ZNF804B: variants seen among roughly 807,000 people sequenced by gnomAD.
ZNF804B encodes the protein zinc finger protein 804B.
A neutral mutation model predicts 101.4 loss-of-function variants in ZNF804B; 80 were observed. The ratio of observed to expected loss-of-function variants is 0.79; its 90% CI spans 0.66 to 0.95. The LOEUF is 0.95. ZNF804B is among the 40% of genes least tolerant of loss of function. The probability of loss-of-function intolerance (pLI) is 0.00; values close to 1 mark genes in which losing one functional copy is unlikely to be tolerated. For missense variants in ZNF804B, 1,673 were observed against 1,561.9 expected (o/e 1.07, Z -1.20); for synonymous variants, 622 against 558.8 (o/e 1.11, Z -1.59).
chr7:89,056,937 A>C (rs1789305375), intron 1 of ZNF804B, among the ~76,000 whole-genome samples: 2 of 152,180 alleles, frequency 1.3e-5, no homozygotes, highest in Non-Finnish European at 1.5e-5. Flanking sequence ...TAGGGTTTTA[A>C]AGGTTTTGGA....
intron 2 of ZNF804B, among the ~76,000 whole-genome samples, chr7:89,288,386 T>C (rs1790238731): frequency 6.6e-6 from 1 of 152,070 alleles, no homozygotes; most frequent in African/African-American, 2.4e-5. Flanking sequence ...TCTGATAAAA[T>C]ATATTATCTC....
intron 1 of ZNF804B, among the ~76,000 whole-genome samples, chr7:89,212,659 C>T (rs1224884090): frequency 6.6e-6 from 1 of 152,060 alleles, no homozygotes; most frequent in African/African-American, 2.4e-5. Flanking sequence ...ATGCCTTTTC[C>T]ATTGATTAAG....
intron 1 of ZNF804B, among the ~76,000 whole-genome samples, chr7:88,921,407 T>A (rs1792717006): frequency 6.6e-6 from 1 of 152,084 alleles, no homozygotes; most frequent in East Asian, 1.9e-4. Flanking sequence ...CCCAGAGTAG[T>A]AGAAGAGGTT....
At chr7:89,107,944 A>T (rs575315306) in intron 1 of ZNF804B, among the ~76,000 whole-genome samples, 1 of 152,192 alleles carries the variant, frequency 6.6e-6, no homozygotes, top group South Asian at 2.1e-4. Flanking sequence ...AGAAGAGATG[A>T]GCATTAAAAA....
intron 1 of ZNF804B, among the ~76,000 whole-genome samples, chr7:89,015,651 A>C (rs1435923853): frequency 6.6e-6 from 1 of 152,094 alleles, no homozygotes; most frequent in African/African-American, 2.4e-5. Context: ...CCATGTCCCT[A>C]CAAAGGACAT....
chr7:89,278,730 A>G (rs1366528525), intron 2 of ZNF804B, among the ~76,000 whole-genome samples: 2,197 of 149,616 alleles, frequency 0.015, 52 homozygotes, highest in African/African-American at 0.051. Context: ...TGGTACCAGT[A>G]CCATGCTGTT....
chr7:89,153,760 T>C (rs529220886), intron 1 of ZNF804B, among the ~76,000 whole-genome samples: 174 of 152,222 alleles, frequency 1.1e-3, no homozygotes, highest in Middle Eastern at 6.8e-3. Flanking sequence ...TCTGAGACTG[T>C]TCTATTGAAG....
chr7:89,210,299 A>G (rs550959013), intron 1 of ZNF804B, among the ~76,000 whole-genome samples: 2 of 152,192 alleles, frequency 1.3e-5, no homozygotes, highest in African/African-American at 4.8e-5. Context: ...ACTCCTGAAA[A>G]CCCTAATTAT....
chr7:88,847,721 A>G (rs912213691), intron 1 of ZNF804B, among the ~76,000 whole-genome samples: 5 of 152,122 alleles, frequency 3.3e-5, no homozygotes, highest in African/African-American at 1.2e-4. Flanking sequence ...AAATATGCAA[A>G]ATCTAAATGC....
intron 1 of ZNF804B, among the ~76,000 whole-genome samples, chr7:88,883,454 G>C (rs1474701546): frequency 6.6e-6 from 1 of 152,088 alleles, no homozygotes; most frequent in Non-Finnish European, 1.5e-5. Context: ...GAAAGTGAGT[G>C]GAAGGCAATT....
rs1266195261 is a variant in ZNF804B at position 89,278,886 on chromosome 7, A to T, written c.250-48458A>T. Among the ~76,000 whole-genome samples, 4 of 152,172 alleles carry T rather than the reference A, an allele frequency of 2.6e-5. No individual in the cohort carries two copies. In the East Asian group the frequency reaches 7.7e-4, roughly 29 times the overall value. On this transcript the variant is annotated intron_variant, in intron 2 of 3. Transcript: ENST00000333190. ...AAAGTAGTATTTTCCAATTCTGTGA[A>T]GAAAGTCATTGGTAGCTTGATGGGG...
At chr7:89,269,022 T>G (rs1048893159) in intron 2 of ZNF804B, among the ~76,000 whole-genome samples, 5 of 152,068 alleles carry the variant, frequency 3.3e-5, no homozygotes, top group Non-Finnish European at 7.4e-5. Flanking sequence ...TATTTTTTAT[T>G]TTTTGGTAAT....
At chr7:89,316,001 A>G (rs1025193742) in intron 2 of ZNF804B, among the ~76,000 whole-genome samples, 2 of 152,150 alleles carry the variant, frequency 1.3e-5, no homozygotes, top group Non-Finnish European at 1.5e-5. Flanking sequence ...ACCTCTGTAC[A>G]ATTGTGTGTG....
At chr7:89,245,368 T>C (rs931093273) in intron 2 of ZNF804B, among the ~76,000 whole-genome samples, 1 of 152,090 alleles carries the variant, frequency 6.6e-6, no homozygotes, top group African/African-American at 2.4e-5. Context: ...CACAGAGACT[T>C]TGGTTGGAAA....
In ZNF804B at chr7:89,336,789, T is replaced by C. The variant is rs964664273; in HGVS notation, c.3807T>C (p.His1269=). The change falls in exon 4 of 4, where the codon CAT becomes CAC. Residue 1269 remains histidine, a synonymous_variant. Coordinates refer to ENST00000333190, the MANE Select transcript of ZNF804B (RefSeq NM_181646.5). Reference sequence around the variant, plus strand: ...CTTTCTTAGCAGGTCATCCCCTGCATTTAGTAGCTGCTACCCCCTTCCACC... The same window carrying C: ...CTTTCTTAGCAGGTCATCCCCTGCACTTAGTAGCTGCTACCCCCTTCCACC... ...HPTFLAGHPL[H]LVAATPFHPS... The C allele has an allele frequency of 1.2e-6, 2 of 1,613,928 alleles. No individual in the cohort carries two copies. The highest frequency in any genetic ancestry group is 2.7e-5 in the African/African-American group (2 of 74,894).
intron 1 of ZNF804B, among the ~76,000 whole-genome samples, chr7:88,808,257 C>G (rs1790722428): frequency 6.6e-6 from 1 of 151,918 alleles, no homozygotes; most frequent in Admixed American, 6.6e-5. Context: ...TGGCATGCGC[C>G]TGTAATCCCA....
chr7:89,061,262 C>T (rs1789374995), intron 1 of ZNF804B, among the ~76,000 whole-genome samples: 1 of 151,946 alleles, frequency 6.6e-6, no homozygotes, highest in South Asian at 2.1e-4. Flanking sequence ...AAATATGTGT[C>T]TTTCAAATAA....
intron 1 of ZNF804B, among the ~76,000 whole-genome samples, chr7:89,018,109 G>A (rs755560430): frequency 6.6e-6 from 1 of 152,064 alleles, no homozygotes; most frequent in South Asian, 2.1e-4. Context: ...TTAGAGGACA[G>A]GCTTTCCGTT....
At chr7:88,870,119 G>A (rs1377588993) in intron 1 of ZNF804B, among the ~76,000 whole-genome samples, 1 of 151,430 alleles carries the variant, frequency 6.6e-6, no homozygotes, top group Non-Finnish European at 1.5e-5. Context: ...GGGCGCGGTG[G>A]CTCACGCCTG....
Sources: gnomAD v4.1 joint callset for allele counts (sites outside exome capture counted in the v4.1 genomes callset) on GRCh38, gnomAD v4.1.1 for gene constraint, MANE v1.5 for transcripts, NCBI Gene and HGNC (gene_info 2026-07-23, HGNC 2026-07-21) for gene names.